KIR3DL2: variants seen among roughly 807,000 people sequenced by gnomAD.
The protein encoded by KIR3DL2 is killer cell immunoglobulin like receptor, three Ig domains and long cytoplasmic tail 2.
Under a neutral mutation model 41.6 loss-of-function variants are expected in KIR3DL2, and 42 were observed. The ratio of observed to expected loss-of-function variants is 1.01; its 90% confidence interval spans 0.79 to 1.31. The LOEUF (loss-of-function observed/expected upper bound fraction) is 1.31. KIR3DL2 is among the 50% of genes most tolerant of loss of function. The pLI, the probability that KIR3DL2 is intolerant of heterozygous loss-of-function variation, is 0.00. For missense variants in KIR3DL2, 728 were observed against 576.8 expected (o/e 1.26, Z -2.68); for synonymous variants, 230 against 221.3 (o/e 1.04, Z -0.35).
chr19:54,851,289 C>T, intron 2 of KIR3DL2, 34 bp downstream of exon 2: 5 of 1,597,348 alleles, frequency 3.1e-6, no homozygotes, highest in Non-Finnish European at 3.4e-6. Context: ...GGTGTCATCT[C>T]CCCACATAAG....
At chr19:54,857,806 A>G (rs1190665778) in intron 5 of KIR3DL2, among the ~76,000 whole-genome samples, 19 of 151,200 alleles carry the variant, frequency 1.3e-4, no homozygotes, top group African/African-American at 3.7e-4. Context: ...TCCGCCTCCC[A>G]AAGTGCTGGA....
At chr19:54,854,373 T>C (rs2064561357) in intron 4 of KIR3DL2, among the ~76,000 whole-genome samples, 1 of 151,746 alleles carries the variant, frequency 6.6e-6, no homozygotes, top group East Asian at 1.9e-4. Context: ...AGGTTAGAAG[T>C]TTCATTTCTG....
intron 5 of KIR3DL2, among the ~76,000 whole-genome samples, chr19:54,858,264 A>G (rs1266731571): frequency 1.3e-5 from 2 of 150,700 alleles, no homozygotes; most frequent in African/African-American, 4.9e-5. Context: ...TACATGTTTC[A>G]TAGGTTCAGG....
At chr19:54,852,325 G>A (rs2145568405) in intron 3 of KIR3DL2, 43 bp downstream of exon 3, 3 of 1,589,798 alleles carry the variant, frequency 1.9e-6, no homozygotes, top group Non-Finnish European at 2.6e-6. Context: ...CCCACCTCCT[G>A]AATCCCAGAG....
rs663318 is a variant in KIR3DL2, at chr19:54,855,869, C to T, written c.906C>T (p.Cys302=). ...TCGGCTCTTTCCGTGCCCTGCCCTG[C>T]GTGTGGTCAAACTCAAGTGACCCAC... is the stretch of plus-strand genomic sequence containing the variant. The part of the protein sequence containing the change: ...RCFGSFRALP[C]VWSNSSDPLL... The change falls in exon 5 of 9, where the codon TGC becomes TGT. Residue 302 remains cysteine (C), a synonymous_variant. Transcript: ENST00000326321. The T allele has an allele frequency of 1.4e-5, 22 of 1,613,332 alleles. No homozygotes were observed. The highest frequency in any genetic ancestry group is 1.6e-4 in the Middle Eastern group (1 of 6,084).
At chr19:54,862,677 C>A (rs1042406494) in intron 6 of KIR3DL2, among the ~76,000 whole-genome samples, 7 of 151,674 alleles carry the variant, frequency 4.6e-5, no homozygotes, top group Admixed American at 4.6e-4. Context: ...CACTGCATGA[C>A]GTCCTCCTCC....
At chr19:54,856,004 T>C (rs1249044018) in intron 5 of KIR3DL2, 92 bp downstream of exon 5, 8 of 1,472,930 alleles carry the variant, frequency 5.4e-6, no homozygotes, top group Non-Finnish European at 7.4e-6. Flanking sequence ...CATGGACAGA[T>C]GCAGAGAGAA....
chr19:54,850,908 C>T (rs62122257), intron 1 of KIR3DL2, among the ~76,000 whole-genome samples: 1 of 126,128 alleles, frequency 7.9e-6, no homozygotes, highest in Admixed American at 8.4e-5. Flanking sequence ...GAGATCTGGG[C>T]CTGGAGTGGA....
chr19:54,861,645 T>G (rs616452), intron 6 of KIR3DL2, among the ~76,000 whole-genome samples: 52,325 of 149,288 alleles, frequency 0.35, 9,225 homozygotes, highest in South Asian at 0.4. Flanking sequence ...GGATACTCTG[T>G]CTCAAAAAAT....
chr19:54,855,661 C>T lies in KIR3DL2; in HGVS notation c.698C>T (p.Thr233Met), dbSNP rs1030374030. The change falls in exon 5 of 9, where the codon ACG (threonine) becomes ATG (methionine). Residue 233 changes from threonine (T) to methionine (M), a missense_variant. Thr to Met is a moderately conservative substitution (Grantham distance 81). Coordinates refer to ENST00000326321, the MANE Select transcript of KIR3DL2 (RefSeq NM_006737.4). Reference protein sequence around the residue: ...KPSLSAQPGPTVQAGENVTLS... With the variant: ...KPSLSAQPGPMVQAGENVTLS... ...TCTCTCTCAGCCCAGCCGGGCCCCACGGTTCAGGCAGGAGAGAACGTGACC... is the reference window on the plus strand; with the variant it reads ...TCTCTCTCAGCCCAGCCGGGCCCCATGGTTCAGGCAGGAGAGAACGTGACC... 7.5e-6 allele frequency: 12 copies of T among 1,605,112 alleles called. No individual in the cohort carries two copies. Among genetic ancestry groups the T allele is most frequent in the East Asian group, 6.7e-5 (3 of 44,706 alleles).
At chr19:54,858,848 T>C (rs1442645939) in intron 5 of KIR3DL2, among the ~76,000 whole-genome samples, 1 of 152,078 alleles carries the variant, frequency 6.6e-6, no homozygotes, top group Non-Finnish European at 1.5e-5. Flanking sequence ...TTACTACAGC[T>C]CTGTAACATA....
intron 6 of KIR3DL2, among the ~76,000 whole-genome samples, chr19:54,865,422 C>A (rs916426647): frequency 6.6e-6 from 1 of 152,000 alleles, no homozygotes; most frequent in Non-Finnish European, 1.5e-5. Flanking sequence ...TTTTTAACAA[C>A]CAGCCCTCCG....
chr19:54,865,294 C>T (rs1331636043), intron 6 of KIR3DL2, among the ~76,000 whole-genome samples: 1 of 151,984 alleles, frequency 6.6e-6, no homozygotes, highest in Non-Finnish European at 1.5e-5. Context: ...CCTGTGACGG[C>T]CTCAGGCTGC....
rs376049512 is a variant in KIR3DL2 at position 54,852,222 on chromosome 19, C to A, written c.295C>A (p.Arg99Ser). 4 of 1,611,404 alleles carry A rather than the reference C, an allele frequency of 2.5e-6. No individual in the cohort carries two copies. In the African/African-American group the frequency reaches 4.0e-5, roughly 16 times the overall value. Residue 99 changes from arginine (R) to serine (S), a missense_variant, in exon 3 of 9, where the codon CGC becomes AGC. Coordinates refer to ENST00000326321, the MANE Select transcript of KIR3DL2 (RefSeq NM_006737.4). ...AGGGACCTACAGATGTCGGGGTTCA[C>A]GCCCACACTCCCTCACTGGGTGGTC... ...HAGTYRCRGSRPHSLTGWSAP... is the reference protein window; with the variant it reads ...HAGTYRCRGSSPHSLTGWSAP...
chr19:54,860,264 A>G (rs2065078470), intron 6 of KIR3DL2, among the ~76,000 whole-genome samples: 1 of 152,116 alleles, frequency 6.6e-6, no homozygotes, highest in African/African-American at 2.4e-5. Flanking sequence ...TGGGACACTG[A>G]TCTTGCAGAT....
chr19:54,860,664 G>A (rs372439863), intron 6 of KIR3DL2, among the ~76,000 whole-genome samples: 3 of 149,280 alleles, frequency 2.0e-5, no homozygotes, highest in African/African-American at 5.0e-5. Context: ...CATGAGCCAC[G>A]GGGCCAAGCC....
chr19:54,859,261 A>G, intron 6 of KIR3DL2, 132 bp downstream of exon 6: 1 of 921,336 alleles, frequency 1.1e-6, no homozygotes, highest in South Asian at 1.4e-5. Flanking sequence ...AACTCCAGAC[A>G]CTCCAACAGT....
chr19:54,866,452 TAC>T (rs1295638509), intron 8 of KIR3DL2, 30 bp downstream of exon 8: 4 of 1,613,792 alleles, frequency 2.5e-6, no homozygotes, highest in African/African-American at 1.3e-5. Context: ...GCCTCACGGA[TAC>T]AGTCTTATCC....
intron 4 of KIR3DL2, among the ~76,000 whole-genome samples, chr19:54,854,260 G>A (rs1452393782): frequency 1.3e-5 from 2 of 151,680 alleles, no homozygotes; most frequent in African/African-American, 2.4e-5. Context: ...GGCCATACGG[G>A]GAAGTAGAAA....
Sources: gnomAD v4.1 joint callset for allele counts (sites outside exome capture counted in the v4.1 genomes callset) on GRCh38, gnomAD v4.1.1 for gene constraint, MANE v1.5 for transcripts, NCBI Gene and HGNC (gene_info 2026-07-23, HGNC 2026-07-21) for gene names.